THEM4: variants seen among roughly 807,000 people sequenced by gnomAD.
THEM4 encodes thioesterase superfamily member 4.
In THEM4, 22 loss-of-function variants were observed where a neutral mutation model predicts 25.0. The observed-to-expected ratio is 0.88, with a 90% CI of 0.63 to 1.26. The LOEUF (loss-of-function observed/expected upper bound fraction) is 1.26, where lower values mean the gene tolerates loss of function less well. Among genes scored for constraint, THEM4 ranks in the 50% most tolerant of loss-of-function variants. The pLI is 0.00. For synonymous variants in THEM4, 113 were observed against 105.6 expected (o/e 1.07, Z -0.43); for missense variants, 286 against 300.3 (o/e 0.95, Z 0.35).
chr1:151,886,181 C>G (rs573884237), intron 4 of THEM4, among the ~76,000 whole-genome samples: 5 of 152,308 alleles, frequency 3.3e-5, no homozygotes. Context: ...CTAAATTGCT[C>G]TCTATCCATA....
At chr1:151,891,954 TTTTG>T (rs779660503) in intron 2 of THEM4, among the ~76,000 whole-genome samples, 2 of 151,890 alleles carry the variant, frequency 1.3e-5, no homozygotes, top group Non-Finnish European at 2.9e-5. Flanking sequence ...AACAGAGGTT[TTTTG>T]TTTTTGTTTT....
In THEM4 at chr1:151,873,883, C is replaced by G. The variant is rs954059927; in HGVS notation, c.*1005G>C. The G allele has an allele frequency of 6.6e-6, 1 of 152,208 alleles. No homozygotes were observed. Among genetic ancestry groups the G allele is most frequent in the Non-Finnish European group, 1.5e-5 (1 of 68,044 alleles). 9.4% of individuals were successfully genotyped at this position (152,208 alleles called of 1,614,324 possible). ...GCACTTTCAGGAGAATGGCCTTGGT[C>G]AACACCTTGATTTTGAACTTCTGGC... On this transcript the variant is annotated 3_prime_UTR_variant, in exon 6 of 6. Coordinates refer to ENST00000368814, the MANE Select transcript of THEM4 (RefSeq NM_053055.5).
intron 1 of THEM4, among the ~76,000 whole-genome samples, chr1:151,904,126 G>C (rs993863605): frequency 1.4e-4 from 21 of 152,228 alleles, no homozygotes; most frequent in South Asian, 4.1e-4. Flanking sequence ...AATGGGGAGG[G>C]GGCCTGCTCC....
chr1:151,894,217 T>G (rs1373189434), intron 2 of THEM4, among the ~76,000 whole-genome samples: 1 of 152,150 alleles, frequency 6.6e-6, no homozygotes, highest in East Asian at 1.9e-4. Flanking sequence ...TAAAGATGTG[T>G]TTGGATGATT....
chr1:151,888,784 T>C (rs1294273463), intron 3 of THEM4, among the ~76,000 whole-genome samples: 1 of 152,148 alleles, frequency 6.6e-6, no homozygotes, highest in Non-Finnish European at 1.5e-5. Context: ...GCTATGATTA[T>C]GCCACTGCAC....
At chr1:151,881,519 C>A (rs1199253675) in intron 4 of THEM4, among the ~76,000 whole-genome samples, 1 of 152,152 alleles carries the variant, frequency 6.6e-6, no homozygotes, top group Non-Finnish European at 1.5e-5. Flanking sequence ...TCCATAAATT[C>A]TCTCCATTTG....
In THEM4 at chr1:151,909,508, T is replaced by G; in HGVS notation, c.-50A>C. On this transcript the variant is annotated 5_prime_UTR_variant, in exon 1 of 6. Coordinates refer to ENST00000368814, the MANE Select transcript of THEM4 (RefSeq NM_053055.5). ...TGCTCTAGCCCTGGACGGCGCACTC[T>G]ACCTCCGCCACAAGAGCGCGCGTGC... 1 of 1,312,676 alleles carries G rather than the reference T, an allele frequency of 7.6e-7. No homozygotes were observed. The highest frequency in any genetic ancestry group is 9.7e-7 in the Non-Finnish European group (1 of 1,026,256). The allele number at this position is 1,312,676 out of a possible 1,614,324, so 81.3% of individuals were successfully genotyped here. A position where few individuals can be genotyped will look rare whatever the true frequency, so the allele number is the denominator to read the frequency against.
intron 4 of THEM4, among the ~76,000 whole-genome samples, chr1:151,878,855 T>TA (rs1311851958): frequency 6.9e-6 from 1 of 145,616 alleles, no homozygotes; most frequent in African/African-American, 2.6e-5. Flanking sequence ...CATTTAAAAA[T>TA]AAAAAAATTT....
chr1:151,903,712 G>A lies in THEM4; in HGVS notation c.99+5648C>T, dbSNP rs568116896. Among the ~76,000 whole-genome samples, 16 of 152,270 alleles carry A rather than the reference G, an allele frequency of 1.1e-4. No individual in the cohort carries two copies. In the East Asian group the frequency reaches 2.7e-3, roughly 26 times the overall value. ...AGGCAGAATAGTATGTATAAGCTTT[G>A]GAGTTATGAATTTGAACTCATCTCA... is the stretch of plus-strand genomic sequence containing the variant. On this transcript the variant is annotated intron_variant, in intron 1 of 5. Coordinates refer to ENST00000368814, the MANE Select transcript of THEM4 (RefSeq NM_053055.5).
At chr1:151,904,755 G>A (rs1654420546) in intron 1 of THEM4, among the ~76,000 whole-genome samples, 1 of 152,148 alleles carries the variant, frequency 6.6e-6, no homozygotes, top group Non-Finnish European at 1.5e-5. Context: ...TTACTGACTG[G>A]GAAAGAGAAA....
intron 5 of THEM4, among the ~76,000 whole-genome samples, chr1:151,876,368 T>G (rs1024321606): frequency 6.6e-6 from 1 of 152,148 alleles, no homozygotes; most frequent in South Asian, 2.1e-4. Context: ...CCGATAGCAA[T>G]CTAACACATT....
intron 4 of THEM4, among the ~76,000 whole-genome samples, chr1:151,879,688 G>C (rs1049754610): frequency 1.6e-5 from 2 of 128,882 alleles, no homozygotes; most frequent in African/African-American, 6.0e-5. Context: ...ATGGAGTCTT[G>C]TTCTGTCACC....
At chr1:151,880,155 AT>A (rs112401808) in intron 4 of THEM4, among the ~76,000 whole-genome samples, 361 of 143,326 alleles carry the variant, frequency 2.5e-3, no homozygotes, top group South Asian at 4.2e-3. Flanking sequence ...CTTGGCTCTG[AT>A]TTTTTTTTTT....
chr1:151,875,036 T>G, intron 5 of THEM4, 108 bp from the exon 6 acceptor site: 1 of 922,552 alleles, frequency 1.1e-6, no homozygotes, highest in Admixed American at 1.8e-5. Flanking sequence ...TTCACATTTG[T>G]AGCTTCAGTC....
chr1:151,887,182 A>G (rs1653989136), intron 4 of THEM4, among the ~76,000 whole-genome samples: 1 of 152,254 alleles, frequency 6.6e-6, no homozygotes, highest in Non-Finnish European at 1.5e-5. Flanking sequence ...TAATCCCAGC[A>G]CTTTGGCAGG....
chr1:151,891,964 GT>G (rs899880186), intron 2 of THEM4, among the ~76,000 whole-genome samples: 4 of 150,662 alleles, frequency 2.7e-5, no homozygotes, highest in South Asian at 2.1e-4. Flanking sequence ...TTTTGTTTTT[GT>G]TTTTTTTTGA....
At chr1:151,909,136 T>TA (rs1467753486) in intron 1 of THEM4, among the ~76,000 whole-genome samples, 7 of 152,064 alleles carry the variant, frequency 4.6e-5, no homozygotes, top group Non-Finnish European at 7.4e-5. Context: ...CCCTGTCTCT[T>TA]AAAAAACAAA....
At chr1:151,892,805 TGA>T (rs1654122165) in intron 2 of THEM4, among the ~76,000 whole-genome samples, 1 of 152,136 alleles carries the variant, frequency 6.6e-6, no homozygotes, top group Non-Finnish European at 1.5e-5. Flanking sequence ...TCTCTAAAGC[TGA>T]GAGACTGCAT....
At chr1:151,894,553 G>C (rs1197519329) in intron 2 of THEM4, among the ~76,000 whole-genome samples, 3 of 152,296 alleles carry the variant, frequency 2.0e-5, no homozygotes, top group East Asian at 1.9e-4. Flanking sequence ...AAAAAACACA[G>C]AAGGATAGGA....
Sources: allele counts gnomAD v4.1 joint callset (sites outside exome capture counted in the v4.1 genomes callset), GRCh38; gene constraint gnomAD v4.1.1; transcripts MANE v1.5; gene names NCBI Gene and HGNC (gene_info 2026-07-23, HGNC 2026-07-21).